CUX2: variants seen among roughly 807,000 people sequenced by gnomAD.
The protein encoded by CUX2 is homeobox protein cut-like 2.
In CUX2, 40 loss-of-function variants were observed where a neutral mutation model predicts 144.8. That is an observed-to-expected ratio of 0.28 (90% CI 0.21 to 0.36). CUX2 has a LOEUF of 0.36. Among genes scored for constraint, CUX2 ranks in the 10% least tolerant of loss-of-function variants. CUX2 has a pLI of 1.00. For synonymous variants in CUX2, 827 were observed against 875.6 expected, an observed-to-expected ratio of 0.94 and a Z score of 0.98; for missense variants, 1,615 against 1,994.0, an observed-to-expected ratio of 0.81 and a Z score of 3.62.
chr12:111,213,640 T>A (rs570234757), intron 1 of CUX2, among the ~76,000 whole-genome samples: 1 of 152,338 alleles, frequency 6.6e-6, no homozygotes, highest in East Asian at 1.9e-4. Context: ...ATTGGCACCT[T>A]CATTTTTCCA....
At chr12:111,347,441 A>G in intron 21 of CUX2, 83 bp from the exon 22 acceptor site, 1 of 1,354,126 alleles carries the variant, frequency 7.4e-7, no homozygotes, top group Non-Finnish European at 1.0e-6. Flanking sequence ...AGTGGGTGGG[A>G]CCAAAATGCC....
At chr12:111,270,906 T>G (rs1269396012) in intron 4 of CUX2, among the ~76,000 whole-genome samples, 1 of 152,148 alleles carries the variant, frequency 6.6e-6, no homozygotes, top group Admixed American at 6.5e-5. Context: ...TGGTGTTTTG[T>G]GCTGTGTGAC....
intron 1 of CUX2, among the ~76,000 whole-genome samples, chr12:111,159,814 CA>C (rs1248236280): frequency 6.6e-6 from 1 of 152,196 alleles, no homozygotes; most frequent in Non-Finnish European, 1.5e-5. Context: ...CACCTGAGGT[CA>C]GGAGTTTGAG....
chr12:111,093,464 C>T (rs989328902), intron 1 of CUX2, among the ~76,000 whole-genome samples: 1 of 151,918 alleles, frequency 6.6e-6, no homozygotes, highest in East Asian at 1.9e-4. Context: ...TTATAATAGA[C>T]AAGCCTCGTC....
chr12:111,247,984 G>A (rs998113407), intron 3 of CUX2, among the ~76,000 whole-genome samples: 1 of 152,228 alleles, frequency 6.6e-6, no homozygotes, highest in African/African-American at 2.4e-5. Flanking sequence ...TTGGCTCACT[G>A]CAGCCTCAGA....
intron 1 of CUX2, among the ~76,000 whole-genome samples, chr12:111,063,667 G>A (rs930790009): frequency 2.0e-5 from 3 of 152,222 alleles, no homozygotes; most frequent in Non-Finnish European, 4.4e-5. Context: ...TCCTGGAAGG[G>A]TAAAATTCCC....
intron 1 of CUX2, among the ~76,000 whole-genome samples, chr12:111,120,278 C>A (rs1850401851): frequency 6.6e-6 from 1 of 152,036 alleles, no homozygotes; most frequent in South Asian, 2.1e-4. Context: ...GTTCGATAAA[C>A]TTGGGTTGGA....
Position 111,278,598 on chromosome 12 carries a change from G to A in CUX2, c.302-12820G>A, listed in dbSNP as rs576401136. On this transcript the variant is annotated intron_variant, in intron 4 of 21. Transcript: ENST00000261726. ...TTATCACACATTTCAAACAACCCAC[G>A]TTAATTGAGCACCTACTATGTGAAG... Among the ~76,000 whole-genome samples the A allele has an allele frequency of 2.0e-5, 3 of 152,208 alleles. No individual in the cohort carries two copies. The South Asian group carries it at 6.2e-4, about 32-fold the overall frequency.
intron 1 of CUX2, among the ~76,000 whole-genome samples, chr12:111,121,369 C>CTTTTTTTTTTTTTTTTTTTTTTT (rs5800920): frequency 3.6e-4 from 21 of 59,038 alleles, no homozygotes; most frequent in Non-Finnish European, 5.5e-4. Context: ...TTTCTTTTTT[C>CTTTTTTTTTTTTTTTTTTTTTTT]TTTTTTTTTT....
intron 1 of CUX2, among the ~76,000 whole-genome samples, chr12:111,184,597 A>AAC (rs1555278974): frequency 1.3e-5 from 2 of 149,950 alleles, no homozygotes; most frequent in African/African-American, 5.0e-5. Flanking sequence ...AAAAAAAAAA[A>AAC]AACAGAAAAA....
Position 111,295,020 on chromosome 12 carries a change from G to T in CUX2, c.561-313G>T, listed in dbSNP as rs78085511. The stretch of plus-strand genomic sequence containing the variant: ...CTGAGCATGCTTCACAGTACCCCCT[G>T]AGGCAGACCCTATCAGAAACCTCAT... On this transcript the variant is annotated intron_variant, in intron 6 of 21. Transcript: ENST00000261726. This position sits in a 1 kb window ranked among gnomAD's most constrained non-coding sequence, Gnocchi z 5.0. Among the ~76,000 whole-genome samples the T allele has an allele frequency of 0.044, 6,674 of 152,196 alleles. 393 individuals carry two copies. The highest frequency in any genetic ancestry group is 0.13 in the African/African-American group (5,533 of 41,496).
At chr12:111,223,641 G>C (rs1233076376) in intron 3 of CUX2, among the ~76,000 whole-genome samples, 2 of 152,198 alleles carry the variant, frequency 1.3e-5, no homozygotes, top group African/African-American at 4.8e-5. Flanking sequence ...GAGAGGTTCT[G>C]GGGGATAAGA....
intron 1 of CUX2, among the ~76,000 whole-genome samples, chr12:111,148,139 G>A (rs780688301): frequency 1.7e-4 from 26 of 152,284 alleles, no homozygotes; most frequent in South Asian, 1.2e-3. Context: ...GGTTGCCATC[G>A]GTGGGTAAAC....
chr12:111,112,297 G>A (rs1463051251), intron 1 of CUX2, among the ~76,000 whole-genome samples: 1 of 152,180 alleles, frequency 6.6e-6, no homozygotes, highest in Non-Finnish European at 1.5e-5. Flanking sequence ...TTAAAATTCA[G>A]TATTCTCATT....
chr12:111,123,993 G>A (rs1457809487), intron 1 of CUX2, among the ~76,000 whole-genome samples: 1 of 152,206 alleles, frequency 6.6e-6, no homozygotes, highest in African/African-American at 2.4e-5. Flanking sequence ...TCTAGATGCA[G>A]TGAAAGTCAC....
At chr12:111,321,689 ATAAAT>A (rs1465281468) in intron 17 of CUX2, among the ~76,000 whole-genome samples, 1 of 152,098 alleles carries the variant, frequency 6.6e-6, no homozygotes, top group African/African-American at 2.4e-5. Flanking sequence ...CCCCCCAAAA[ATAAAT>A]AAAAATTTAA....
chr12:111,087,391 A>G lies in CUX2; in HGVS notation c.63+53151A>G, dbSNP rs868728771. 8.2e-3 allele frequency among the ~76,000 whole-genome samples: 1,226 copies of G among 149,680 alleles called. 30 individuals carry two copies. The highest frequency in any genetic ancestry group is 0.028 in the African/African-American group (1,131 of 40,066). ...CAAAAAAAAAAAAAAAAAAAAAAAA[A>G]AAAGAAAGAAAAGAAAGAAAATGCT... On this transcript the variant is annotated intron_variant, in intron 1 of 21. Transcript: ENST00000261726.
chr12:111,129,518 G>T (rs190758390), intron 1 of CUX2, among the ~76,000 whole-genome samples: 103 of 152,346 alleles, frequency 6.8e-4, no homozygotes, highest in Admixed American at 4.1e-3. Flanking sequence ...CTGCAATTGG[G>T]TGTGGTACTG....
chr12:111,245,056 C>T (rs1164812111), intron 3 of CUX2, among the ~76,000 whole-genome samples: 1 of 152,108 alleles, frequency 6.6e-6, no homozygotes, highest in Non-Finnish European at 1.5e-5. Flanking sequence ...CCATCCAAGC[C>T]CCCCTACTCT....
Sources: allele counts gnomAD v4.1 joint callset (sites outside exome capture counted in the v4.1 genomes callset), GRCh38; gene constraint gnomAD v4.1.1; non-coding constraint Gnocchi (gnomAD v3.1); transcripts MANE v1.5; gene names NCBI Gene and HGNC (gene_info 2026-07-23, HGNC 2026-07-21).